The following GRM1 variants were observed in gnomAD, a reference collection of about 807,000 sequenced individuals.
The protein encoded by GRM1 is metabotropic glutamate receptor 1.
GRM1 carries 33 observed loss-of-function variants against 90.9 expected under a neutral mutation model. The observed-to-expected ratio is 0.36, with a 90% CI of 0.28 to 0.49. The LOEUF (loss-of-function observed/expected upper bound fraction) is 0.49. Ranked by LOEUF, GRM1 falls within the 20% of genes least tolerant of loss-of-function variation. The pLI, the probability that GRM1 is intolerant of heterozygous loss-of-function variation, is 0.99. For missense variants in GRM1, 1,190 were observed against 1,534.3 expected (o/e 0.78, Z 3.75); for synonymous variants, 700 against 613.2 (o/e 1.14, Z -2.09).
intron 2 of GRM1, among the ~76,000 whole-genome samples, chr6:146,237,618 G>A (rs1583205497): frequency 1.3e-5 from 2 of 151,530 alleles, no homozygotes; most frequent in Non-Finnish European, 2.9e-5. Context: ...CTGATATCCA[G>A]ATAAAAGGAG....
chr6:146,228,315 C>T (rs765935127), intron 2 of GRM1, among the ~76,000 whole-genome samples: 24 of 152,158 alleles, frequency 1.6e-4, no homozygotes, highest in Non-Finnish European at 3.2e-4. Flanking sequence ...TGGTGAGGGC[C>T]TTTGTACTGC....
chr6:146,191,690 C>G (rs144605613), intron 2 of GRM1, among the ~76,000 whole-genome samples: 2 of 152,132 alleles, frequency 1.3e-5, no homozygotes, highest in East Asian at 3.9e-4. Context: ...TTTGTGTGAT[C>G]TCTTTTGCTT....
At chr6:146,243,096 G>A (rs1780926122) in intron 2 of GRM1, among the ~76,000 whole-genome samples, 1 of 152,046 alleles carries the variant, frequency 6.6e-6, no homozygotes, top group South Asian at 2.1e-4. Flanking sequence ...CTTAACACAG[G>A]AACCTTGGCT....
intron 1 of GRM1, among the ~76,000 whole-genome samples, chr6:146,115,971 T>A (rs1775730280): frequency 1.3e-5 from 2 of 152,260 alleles, no homozygotes; most frequent in Admixed American, 6.5e-5. Flanking sequence ...ATATATTTGT[T>A]TCATTTAAAA....
intron 7 of GRM1, among the ~76,000 whole-genome samples, chr6:146,421,067 A>T (rs1175422242): frequency 6.6e-6 from 1 of 152,180 alleles, no homozygotes; most frequent in Non-Finnish European, 1.5e-5. Context: ...CAGAATGTCT[A>T]AAAACCTCAT....
intron 1 of GRM1, among the ~76,000 whole-genome samples, chr6:146,086,085 A>G (rs537505191): frequency 3.3e-5 from 5 of 152,266 alleles, no homozygotes; most frequent in African/African-American, 1.2e-4. Flanking sequence ...TGATAGTGGA[A>G]TAGTATGTAT....
chr6:146,418,267 G>C (rs1206985061), intron 7 of GRM1, among the ~76,000 whole-genome samples: 1 of 151,892 alleles, frequency 6.6e-6, no homozygotes. Context: ...TATGTATGCA[G>C]CCCCATATAG....
chr6:146,334,680 A>G (rs1784706600), intron 3 of GRM1, among the ~76,000 whole-genome samples: 1 of 152,148 alleles, frequency 6.6e-6, no homozygotes, highest in South Asian at 2.1e-4. Context: ...GCTTCCCACC[A>G]GCTTATGTCT....
chr6:146,420,814 G>A (rs1487676163), intron 7 of GRM1, among the ~76,000 whole-genome samples: 1 of 152,142 alleles, frequency 6.6e-6, no homozygotes, highest in Non-Finnish European at 1.5e-5. Flanking sequence ...GATGATGAGG[G>A]AAAGTTCTTT....
At chr6:146,197,422 C>G (rs747750984) in intron 2 of GRM1, among the ~76,000 whole-genome samples, 4 of 152,164 alleles carry the variant, frequency 2.6e-5, no homozygotes, top group Non-Finnish European at 5.9e-5. Flanking sequence ...ACTTATGGTC[C>G]TTGGAGCAGC....
chr6:146,375,782 A>G (rs1211548969), intron 5 of GRM1, among the ~76,000 whole-genome samples: 1 of 151,934 alleles, frequency 6.6e-6, no homozygotes, highest in African/African-American at 2.4e-5. Context: ...CCATGTCTTT[A>G]TAGGTGAAGT....
intron 2 of GRM1, among the ~76,000 whole-genome samples, chr6:146,165,563 T>A (rs1018967711): frequency 6.6e-6 from 1 of 152,074 alleles, no homozygotes; most frequent in African/African-American, 2.4e-5. Context: ...TGCATAATGG[T>A]CATGACTTAC....
chr6:146,181,752 A>T (rs895255275), intron 2 of GRM1, among the ~76,000 whole-genome samples: 10 of 152,142 alleles, frequency 6.6e-5, no homozygotes, highest in South Asian at 2.1e-4. Context: ...TTGTCAATGT[A>T]CTAAGGACTA....
At chr6:146,203,123 G>A (rs929095455) in intron 2 of GRM1, among the ~76,000 whole-genome samples, 2 of 151,964 alleles carry the variant, frequency 1.3e-5, no homozygotes, top group Admixed American at 1.3e-4. Flanking sequence ...GAACCCGGGA[G>A]GCGGAGCTTG....
At chr6:146,135,862 T>C (rs1333980048) in intron 1 of GRM1, among the ~76,000 whole-genome samples, 1 of 152,158 alleles carries the variant, frequency 6.6e-6, no homozygotes, top group Non-Finnish European at 1.5e-5. Context: ...TGTTATCAAA[T>C]ACTGGATCTC....
At chr6:146,078,904 G>A (rs1390875941) in intron 1 of GRM1, among the ~76,000 whole-genome samples, 1 of 152,152 alleles carries the variant, frequency 6.6e-6, no homozygotes, top group Non-Finnish European at 1.5e-5. Context: ...ACACCACCAG[G>A]AAAGATGAGG....
intron 5 of GRM1, among the ~76,000 whole-genome samples, chr6:146,370,284 C>A (rs1775849454): frequency 6.6e-6 from 1 of 151,966 alleles, no homozygotes; most frequent in Non-Finnish European, 1.5e-5. Context: ...TACCCTATTT[C>A]TTTTTCTTGA....
chr6:146,101,559 C>T (rs1401463766), intron 1 of GRM1, among the ~76,000 whole-genome samples: 1 of 152,072 alleles, frequency 6.6e-6, no homozygotes, highest in African/African-American at 2.4e-5. Context: ...CATTTTCCAA[C>T]CTGCTGCGAT....
intron 3 of GRM1, among the ~76,000 whole-genome samples, chr6:146,349,387 G>C (rs1785311200): frequency 6.6e-6 from 1 of 151,794 alleles, no homozygotes; most frequent in Non-Finnish European, 1.5e-5. Context: ...GGCCGTATTA[G>C]TATTATTGTA....
Sources: allele counts gnomAD v4.1 joint callset (sites outside exome capture counted in the v4.1 genomes callset), GRCh38; gene constraint gnomAD v4.1.1; transcripts MANE v1.5; gene names NCBI Gene and HGNC (gene_info 2026-07-23, HGNC 2026-07-21).